Variants in GALNT13 observed in about 807,000 individuals in gnomAD.
GALNT13 encodes UDP-GalNAc:polypeptide N-acetylgalactosaminyltransferase 13.
A neutral mutation model predicts 64.2 loss-of-function variants in GALNT13; 28 were observed. That is an observed-to-expected ratio of 0.44 (90% CI 0.32 to 0.60). The LOEUF (loss-of-function observed/expected upper bound fraction) is 0.60. GALNT13 is among the 20% of genes least tolerant of loss of function. GALNT13 has a pLI of 0.05. For missense variants in GALNT13, 577 were observed against 669.8 expected (o/e 0.86, Z 1.53); for synonymous variants, 214 against 224.6 (o/e 0.95, Z 0.42).
the GALNT13 span, among the ~76,000 whole-genome samples, chr2:153,630,642 GTATAAT>G: frequency 7.4e-6 from 1 of 134,364 alleles, no homozygotes; most frequent in Non-Finnish European, 1.6e-5. Context: ...AAAACTTAAA[GTATAAT>G]TATAATAAAA....
the GALNT13 span, chr2:153,420,720 T>A: frequency 4.4e-6 from 1 of 228,710 alleles, no homozygotes; most frequent in African/African-American, 2.3e-5. Flanking sequence ...AACCTCCTCA[T>A]AATCTTTTTC....
chr2:153,237,240 G>A, the GALNT13 span, among the ~76,000 whole-genome samples: 1 of 151,926 alleles, frequency 6.6e-6, no homozygotes, highest in East Asian at 1.9e-4. Flanking sequence ...ATATATTTAT[G>A]GGGTACATGA....
At chr2:154,416,059 A>G (rs912380193) in intron 11 of GALNT13, among the ~76,000 whole-genome samples, 24 of 152,306 alleles carry the variant, frequency 1.6e-4, no homozygotes, top group South Asian at 2.1e-4. Context: ...AGGAATTATT[A>G]CAAGAGCCTT....
the GALNT13 span, among the ~76,000 whole-genome samples, chr2:153,153,481 A>G: frequency 1.3e-5 from 2 of 152,036 alleles, no homozygotes; most frequent in Non-Finnish European, 2.9e-5. Flanking sequence ...TATGTCCTGA[A>G]TAGTATTGCC....
At chr2:153,478,346 A>G in the GALNT13 span, 5 of 1,614,050 alleles carry the variant, frequency 3.1e-6, no homozygotes, top group African/African-American at 6.7e-5. Flanking sequence ...CCGAGGAAGA[A>G]GATGCCGAAG....
intron 3 of GALNT13, among the ~76,000 whole-genome samples, chr2:153,954,957 G>A (rs1409288543): frequency 6.6e-6 from 1 of 151,798 alleles, no homozygotes; most frequent in East Asian, 1.9e-4. Flanking sequence ...GAGTATTTCT[G>A]GAGGATGTAG....
chr2:154,090,541 A>G (rs997721457), intron 3 of GALNT13, among the ~76,000 whole-genome samples: 4 of 152,180 alleles, frequency 2.6e-5, no homozygotes, highest in Admixed American at 2.0e-4. Flanking sequence ...TCTATCCTAC[A>G]GAATGTACCT....
the GALNT13 span, among the ~76,000 whole-genome samples, chr2:153,087,791 A>T: frequency 6.6e-6 from 1 of 151,890 alleles, no homozygotes; most frequent in Non-Finnish European, 1.5e-5. Context: ...GATCTTTTGT[A>T]TTTCTGTGGT....
the GALNT13 span, among the ~76,000 whole-genome samples, chr2:153,789,793 G>T: frequency 6.6e-6 from 1 of 152,016 alleles, no homozygotes; most frequent in Admixed American, 6.6e-5. Context: ...ATTATAGGCT[G>T]ATATGAACAC....
the GALNT13 span, among the ~76,000 whole-genome samples, chr2:153,265,096 G>A: frequency 6.6e-6 from 1 of 152,156 alleles, no homozygotes; most frequent in African/African-American, 2.4e-5. Flanking sequence ...TGAAACAGAG[G>A]AAAGGAGTCC....
chr2:153,982,125 C>T (rs150442922), intron 3 of GALNT13, among the ~76,000 whole-genome samples: 1 of 151,978 alleles, frequency 6.6e-6, no homozygotes, highest in Non-Finnish European at 1.5e-5. Context: ...AACATTTTTT[C>T]TCTCATATTT....
rs145171283 is a variant in GALNT13, at chr2:154,179,945, G to A, written c.311+39440G>A. Among the ~76,000 whole-genome samples, 953 of 152,064 alleles carry A rather than the reference G, an allele frequency of 6.3e-3. 11 individuals carry two copies. Among genetic ancestry groups the A allele is most frequent in the African/African-American group, 0.021 (868 of 41,488 alleles). On this transcript the variant is annotated intron_variant, in intron 4 of 12. Transcript: ENST00000392825. The stretch of plus-strand genomic sequence containing the variant: ...AGGGAGGCAGATGTTTTGGACACAC[G>A]TTTCTCTATAGCTGACTTAGAGTGC...
chr2:154,211,761 G>A (rs1178168300), intron 4 of GALNT13, among the ~76,000 whole-genome samples: 1 of 151,830 alleles, frequency 6.6e-6, no homozygotes, highest in Non-Finnish European at 1.5e-5. Flanking sequence ...ACATCGTTAT[G>A]CAGTGCATGA....
At chr2:154,167,709 C>G (rs1402262895) in intron 4 of GALNT13, among the ~76,000 whole-genome samples, 1 of 152,106 alleles carries the variant, frequency 6.6e-6, no homozygotes, top group African/African-American at 2.4e-5. Flanking sequence ...TGTGTGACCA[C>G]ATATGTGGGT....
chr2:153,879,561 C>CA (rs1686639666), intron 1 of GALNT13, among the ~76,000 whole-genome samples: 1 of 150,672 alleles, frequency 6.6e-6, no homozygotes, highest in Admixed American at 6.6e-5. Context: ...TTGGTAGAGA[C>CA]AGAGTCTCAC....
At chr2:154,312,006 C>G (rs1185844279) in intron 9 of GALNT13, among the ~76,000 whole-genome samples, 1 of 152,122 alleles carries the variant, frequency 6.6e-6, no homozygotes, top group African/African-American at 2.4e-5. Context: ...AACACACATG[C>G]TGTACAATTT....
chr2:153,112,721 C>T, the GALNT13 span, among the ~76,000 whole-genome samples: 1 of 152,042 alleles, frequency 6.6e-6, no homozygotes, highest in Non-Finnish European at 1.5e-5. Flanking sequence ...TTTTAACACC[C>T]TCACTTGAAG....
chr2:153,100,492 A>C, the GALNT13 span, among the ~76,000 whole-genome samples: 1 of 152,166 alleles, frequency 6.6e-6, no homozygotes, highest in Non-Finnish European at 1.5e-5. Flanking sequence ...GTACTTGGAG[A>C]AAATTGTTTT....
At chr2:154,093,165 G>C (rs1324587326) in intron 3 of GALNT13, among the ~76,000 whole-genome samples, 2 of 152,012 alleles carry the variant, frequency 1.3e-5, no homozygotes, top group African/African-American at 2.4e-5. Flanking sequence ...AAAATGAGAT[G>C]TGAAATAGGT....
Sources: allele counts gnomAD v4.1 joint callset (sites outside exome capture counted in the v4.1 genomes callset), GRCh38; gene constraint gnomAD v4.1.1; transcripts MANE v1.5; gene names NCBI Gene and HGNC (gene_info 2026-07-23, HGNC 2026-07-21).